The following DMBT1 variants were observed in gnomAD, a reference collection of about 807,000 sequenced individuals.
DMBT1 encodes the protein scavenger receptor cysteine-rich domain-containing protein DMBT1.
DMBT1 carries 198 observed loss-of-function variants against 252.9 expected under a neutral mutation model. The observed-to-expected ratio is 0.78, with a 90% CI of 0.70 to 0.88. The LOEUF is 0.88. Among genes scored for constraint, DMBT1 ranks in the 40% least tolerant of loss-of-function variants. The pLI, the probability that DMBT1 is intolerant of heterozygous loss-of-function variation, is 0.00. For missense variants in DMBT1, 2,432 were observed against 2,404.7 expected (o/e 1.01, Z -0.24); for synonymous variants, 990 against 942.7 (o/e 1.05, Z -0.92).
chr10:122,624,920 G>A (rs1488889336), intron 44 of DMBT1, among the ~76,000 whole-genome samples: 1 of 152,148 alleles, frequency 6.6e-6, no homozygotes, highest in East Asian at 1.9e-4. Context: ...CTTTGCACTG[G>A]CCTCTTCCCA....
chr10:122,563,933 G>T (rs941975240), intron 1 of DMBT1, among the ~76,000 whole-genome samples: 1 of 152,184 alleles, frequency 6.6e-6, no homozygotes, highest in Non-Finnish European at 1.5e-5. Context: ...TGAATGGAAG[G>T]CTCTCTTAGG....
At chr10:122,568,016 G>A (rs2097615792) in intron 2 of DMBT1, among the ~76,000 whole-genome samples, 1 of 152,188 alleles carries the variant, frequency 6.6e-6, no homozygotes, top group African/African-American at 2.4e-5. Context: ...GAATGTGGAT[G>A]GACTAGAGAA....
intron 17 of DMBT1, 36 bp downstream of exon 17, chr10:122,589,303 G>C (rs191158206): frequency 6.3e-7 from 1 of 1,587,420 alleles, no homozygotes; most frequent in Non-Finnish European, 8.6e-7. Flanking sequence ...CTCTCTTGGG[G>C]TAGATTTTGC....
intron 16 of DMBT1, among the ~76,000 whole-genome samples, chr10:122,588,605 C>G (rs1443493174): frequency 6.7e-6 from 1 of 148,800 alleles, no homozygotes; most frequent in African/African-American, 2.4e-5. Context: ...GGGGGTGCCA[C>G]CTAACTCTTG....
rs138588862 is a variant in DMBT1 at position 122,619,808 on chromosome 10, A to G, written c.5246-445A>G. Among the ~76,000 whole-genome samples, 482 of 152,318 alleles carry G rather than the reference A, an allele frequency of 3.2e-3. 2 individuals are homozygous for G. The highest frequency in any genetic ancestry group is 0.011 in the African/African-American group (438 of 41,580). ...AATACCCCAGATTTTGCAAGGCCAT[A>G]TCTGCATCCAGAAAAGGCAGAGGCC... On this transcript the variant is annotated intron_variant, in intron 42 of 55. Transcript: ENST00000338354.
Position 122,599,027 on chromosome 10 carries a change from G to A in DMBT1, c.3210G>A (p.Trp1070Ter), listed in dbSNP as rs1218156361. The A allele has an allele frequency of 1.2e-6, 2 of 1,613,784 alleles. No individual in the cohort carries two copies. The highest frequency in any genetic ancestry group is 1.7e-6 in the Non-Finnish European group (2 of 1,179,730). The change falls in exon 26 of 56, where the codon TGG (tryptophan) becomes TGA (stop). Residue 1070 changes from tryptophan (W) to a stop codon, truncating the protein, a stop_gained. Coordinates refer to ENST00000338354, the MANE Select transcript of DMBT1 (RefSeq NM_001377530.1). LOFTEE classifies it high-confidence loss of function. ...GCTCAGGACACGAGTCTTACCTGTG[G>A]AGCTGCCCCCACAATGGCTGGCTCT... Reference protein sequence around the residue: ...VRCSGHESYLWSCPHNGWLSH... With the variant: ...VRCSGHESYL
chr10:122,599,027 G>C lies in DMBT1; in HGVS notation c.3210G>C (p.Trp1070Cys), dbSNP rs1218156361. The change falls in exon 26 of 56, where the codon TGG becomes TGC. Residue 1070 changes from tryptophan (W) to cysteine (C), a missense_variant. Physicochemically the swap from Trp to Cys is radical, Grantham distance 215. Transcript: ENST00000338354. ...VRCSGHESYL[W>C]SCPHNGWLSH... ...GCTCAGGACACGAGTCTTACCTGTG[G>C]AGCTGCCCCCACAATGGCTGGCTCT... The C allele has an allele frequency of 1.2e-6, 2 of 1,613,784 alleles. No homozygotes were observed. The highest frequency in any genetic ancestry group is 1.7e-5 in the Admixed American group (1 of 60,018).
chr10:122,560,759 G>A lies in DMBT1; in HGVS notation c.-12G>A. 1 of 1,562,742 alleles carries A rather than the reference G, an allele frequency of 6.4e-7. No homozygotes were observed. Among genetic ancestry groups the A allele is most frequent in the Non-Finnish European group, 8.7e-7 (1 of 1,151,780 alleles). On this transcript the variant is annotated 5_prime_UTR_variant, in exon 1 of 56. Coordinates refer to ENST00000338354, the MANE Select transcript of DMBT1 (RefSeq NM_001377530.1). ...CCAGGATTTTCTATTCAATTGAGAA[G>A]AACCCAGCAAAATGGGGATCTCCAC...
intron 2 of DMBT1, among the ~76,000 whole-genome samples, chr10:122,567,058 G>C (rs1224778721): frequency 6.6e-6 from 1 of 152,206 alleles, no homozygotes; most frequent in African/African-American, 2.4e-5. Context: ...ATTTTTCAGG[G>C]CCTTCCATGT....
Position 122,639,561 on chromosome 10 carries a change from A to G in DMBT1, c.6943-479A>G, listed in dbSNP as rs1273569941. Among the ~76,000 whole-genome samples the G allele has an allele frequency of 3.3e-5, 5 of 152,246 alleles. No homozygotes were observed. In the East Asian group the frequency reaches 9.7e-4, roughly 29 times the overall value. On this transcript the variant is annotated intron_variant, in intron 54 of 55. Coordinates refer to ENST00000338354, the MANE Select transcript of DMBT1 (RefSeq NM_001377530.1). ...GCCAGGAGAAGGAATTTCACAAGGTAACGTCATCAGTTAAGGCAGGAACCA... is the reference window on the plus strand; with the variant it reads ...GCCAGGAGAAGGAATTTCACAAGGTGACGTCATCAGTTAAGGCAGGAACCA...
At chr10:122,572,189 T>C in intron 4 of DMBT1, 125 bp from the exon 5 acceptor site, 1 of 1,342,174 alleles carries the variant, frequency 7.5e-7, no homozygotes, top group Non-Finnish European at 1.1e-6. Context: ...GGTTGGCTTT[T>C]AGCAATGGAG....
Position 122,598,957 on chromosome 10 carries a change from G to C in DMBT1, c.3140G>C (p.Arg1047Pro), listed in dbSNP as rs200353568. The change falls in exon 26 of 56, where the codon CGG (arginine) becomes CCG (proline). Residue 1047 changes from arginine to proline, a missense_variant. Arg to Pro is a moderately radical substitution (Grantham distance 103, BLOSUM62 -2). Around this residue, in one of 3 missense-constraint regions of DMBT1, gnomAD observed 1,264 missense variants for 1,082.2 expected, o/e 1.17. Transcript: ENST00000338354. ...GCCATGTCAGCCCCAGGAAATGCCC[G>C]GTTTGGTCAGGGCTCAGGACCCATT... ...GWAMSAPGNARFGQGSGPIVL... is the reference protein window; with the variant it reads ...GWAMSAPGNAPFGQGSGPIVL... The C allele has an allele frequency of 6.2e-7, 1 of 1,613,648 alleles. No individual in the cohort carries two copies. The highest frequency in any genetic ancestry group is 1.1e-5 in the South Asian group (1 of 91,074).
At chr10:122,578,667 C>T in intron 8 of DMBT1, 51 bp from the exon 9 acceptor site, 1 of 1,531,076 alleles carries the variant, frequency 6.5e-7, no homozygotes, top group African/African-American at 1.4e-5. Flanking sequence ...TGTTTTTTAC[C>T]TTTTTCCCTT....
intron 49 of DMBT1, 47 bp from the exon 50 acceptor site, chr10:122,631,808 C>G: frequency 6.2e-7 from 1 of 1,611,508 alleles, no homozygotes; most frequent in Non-Finnish European, 8.5e-7. Context: ...GCCCCTCCTC[C>G]AAGCCACATG....
Position 122,586,402 on chromosome 10 carries a change from TG to T in DMBT1, c.1783+21del. 4 of 1,587,558 alleles carry T rather than the reference TG, an allele frequency of 2.5e-6. No individual in the cohort carries two copies. Among genetic ancestry groups the T allele is most frequent in the Non-Finnish European group, 3.4e-6 (4 of 1,165,346 alleles). ...TGCTCAGGTGGGCCTCCAAGACTTT[TG>T]GTTTCCTCTCTTGGGGTAGATTTTG... is the stretch of plus-strand genomic sequence containing the variant. On this transcript the variant is annotated intron_variant, in intron 16 of 55. Transcript: ENST00000338354.
At chr10:122,628,527 T>C (rs2098134847) in intron 46 of DMBT1, among the ~76,000 whole-genome samples, 1 of 151,964 alleles carries the variant, frequency 6.6e-6, no homozygotes, top group South Asian at 2.1e-4. Context: ...TCCCAGCTAC[T>C]TGGGAAGCTG....
At chr10:122,638,723 C>A (rs1254270655) in intron 54 of DMBT1, among the ~76,000 whole-genome samples, 1 of 152,242 alleles carries the variant, frequency 6.6e-6, no homozygotes, top group Non-Finnish European at 1.5e-5. Flanking sequence ...GGATTACGGG[C>A]ATGAACCACT....
intron 26 of DMBT1, among the ~76,000 whole-genome samples, chr10:122,599,371 G>T (rs889627404): frequency 1.1e-4 from 16 of 152,152 alleles, no homozygotes; most frequent in African/African-American, 3.9e-4. Flanking sequence ...TGGCTCCCCA[G>T]GGCTCCATTT....
At position 122,640,300 on chromosome 10, in the gene DMBT1, C is replaced by T; in HGVS notation, c.7203C>T (p.Arg2401=). Residue 2401 remains arginine (R), a synonymous_variant, in exon 55 of 56, where the codon CGC becomes CGT. Coordinates refer to ENST00000338354, the MANE Select transcript of DMBT1 (RefSeq NM_001377530.1). ...SSSFLYPVTS[R]PYYVDLNQDL... Reference sequence around the variant, plus strand: ...CTTTCTTGTATCCTGTGACCAGCCGCCCTTACTACGTGGACCTGAACCAGG... The same window carrying T: ...CTTTCTTGTATCCTGTGACCAGCCGTCCTTACTACGTGGACCTGAACCAGG... 1 of 1,614,050 alleles carries T rather than the reference C, an allele frequency of 6.2e-7. No individual in the cohort carries two copies. Among genetic ancestry groups the T allele is most frequent in the Non-Finnish European group, 8.5e-7 (1 of 1,179,898 alleles).
Sources: allele counts gnomAD v4.1 joint callset (sites outside exome capture counted in the v4.1 genomes callset), GRCh38; gene constraint gnomAD v4.1.1; regional missense constraint gnomAD v4.1.1; transcripts MANE v1.5; gene names NCBI Gene and HGNC (gene_info 2026-07-23, HGNC 2026-07-21).